PSMD4: variants seen among roughly 807,000 people sequenced by gnomAD.
PSMD4 encodes the protein proteasome 26S subunit ubiquitin receptor, non-ATPase 4, also known as 26S proteasome non-ATPase regulatory subunit 4.
In PSMD4, 5 loss-of-function variants were observed where a neutral mutation model predicts 39.7. That is an observed-to-expected ratio of 0.13 (90% CI 0.07 to 0.26). The LOEUF (loss-of-function observed/expected upper bound fraction) is 0.26. Ranked by LOEUF, PSMD4 falls within the 10% of genes least tolerant of loss-of-function variation. The pLI is 1.00. For missense variants in PSMD4, 272 were observed against 486.1 expected, an observed-to-expected ratio of 0.56 and a Z score of 4.14; for synonymous variants, 143 against 174.6, an observed-to-expected ratio of 0.82 and a Z score of 1.43.
chr1:151,265,109 C>G (rs964345956), intron 4 of PSMD4, 57 bp from the exon 5 acceptor site: 28 of 1,409,540 alleles, frequency 2.0e-5, no homozygotes, highest in Non-Finnish European at 2.5e-5. Flanking sequence ...TGCGGCGGGT[C>G]CTTTCCCCCC....
intron 3 of PSMD4, among the ~76,000 whole-genome samples, chr1:151,264,410 C>A (rs753123721): frequency 1.3e-5 from 2 of 151,152 alleles, no homozygotes; most frequent in African/African-American, 4.9e-5. Flanking sequence ...GAGGCTAACA[C>A]GGGCAGATCA....
intron 1 of PSMD4, among the ~76,000 whole-genome samples, chr1:151,260,546 T>G (rs1181581243): frequency 2.0e-5 from 3 of 152,166 alleles, no homozygotes; most frequent in Non-Finnish European, 4.4e-5. Flanking sequence ...CTGCACTCAG[T>G]GCTGCCAAGT....
At chr1:151,263,777 C>G (rs1329131142) in intron 2 of PSMD4, 137 bp from the exon 3 acceptor site, 2 of 530,662 alleles carry the variant, frequency 3.8e-6, no homozygotes, top group East Asian at 7.4e-5. Flanking sequence ...CTTGCAGTGA[C>G]CCGAGATCAC....
At position 151,264,038 on chromosome 1, in the gene PSMD4, A is replaced by C. The variant is rs751954907; in HGVS notation, c.282+10A>C. ...CATCCGCGTGGCCCATGTGAGTCCTACTGGGTTCCCTGGACCTTTCCTCCC... is the reference window on the plus strand; with the variant it reads ...CATCCGCGTGGCCCATGTGAGTCCTCCTGGGTTCCCTGGACCTTTCCTCCC... On this transcript the variant is annotated intron_variant, in intron 3 of 9. Transcript: ENST00000368884. The C allele has an allele frequency of 1.3e-6, 2 of 1,557,678 alleles. No homozygotes were observed. The highest frequency in any genetic ancestry group is 1.8e-6 in the Non-Finnish European group (2 of 1,142,756).
chr1:151,257,715 C>CTTTT lies in PSMD4; in HGVS notation c.26+2926_26+2929dup, dbSNP rs71090149. Reference sequence around the variant, plus strand: ...GGCACCCGCCACCATACCTGGCTTTCTTTTTTTTTTTTTTTTTTTTTTGTA... The same window carrying CTTTT: ...GGCACCCGCCACCATACCTGGCTTTCTTTTTTTTTTTTTTTTTTTTTTTTTTGTA... On this transcript the variant is annotated intron_variant, in intron 1 of 9. Coordinates refer to ENST00000368884, the MANE Select transcript of PSMD4 (RefSeq NM_002810.4). Among the ~76,000 whole-genome samples the CTTTT allele has an allele frequency of 5.7e-3, 503 of 88,692 alleles. 17 individuals are homozygous for CTTTT. The highest frequency in any genetic ancestry group is 0.014 in the African/African-American group (293 of 21,356). 58.2% of individuals were successfully genotyped at this position (88,692 alleles called of 152,430 possible). A position where few individuals can be genotyped will look rare whatever the true frequency, so the allele number is the denominator to read the frequency against.
In PSMD4 at chr1:151,254,815, A is replaced by C. The variant is rs1286431422; in HGVS notation, c.26+7A>C. On this transcript the variant is annotated splice_region_variant and intron_variant, in intron 1 of 9. Coordinates refer to ENST00000368884, the MANE Select transcript of PSMD4 (RefSeq NM_002810.4). ...TGGAAAGCACTATGGTGTGGTGAGG[A>C]GCTACTTCGGGGCAGGAGGGGCAGA... 1.3e-6 allele frequency: 2 copies of C among 1,521,090 alleles called. No individual in the cohort carries two copies. Among genetic ancestry groups the C allele is most frequent in the Non-Finnish European group, 1.8e-6 (2 of 1,141,168 alleles). The allele number at this position is 1,521,090 out of a possible 1,614,324, so 94.2% of individuals were successfully genotyped here.
intron 6 of PSMD4, 107 bp downstream of exon 6, chr1:151,265,716 A>C: frequency 8.1e-7 from 1 of 1,239,790 alleles, no homozygotes; most frequent in Non-Finnish European, 1.1e-6. Flanking sequence ...GACACTACCA[A>C]TCACTCATTT....
At chr1:151,258,084 C>G (rs1044582412) in intron 1 of PSMD4, among the ~76,000 whole-genome samples, 1 of 149,094 alleles carries the variant, frequency 6.7e-6, no homozygotes, top group East Asian at 2.0e-4. Context: ...AGTGCAGTGG[C>G]GCCATCTCGG....
intron 1 of PSMD4, among the ~76,000 whole-genome samples, 190 bp downstream of exon 1, chr1:151,254,998 C>G (rs1306951109): frequency 6.6e-6 from 1 of 152,208 alleles, no homozygotes; most frequent in Admixed American, 6.5e-5. Context: ...CCCGGGTTAC[C>G]ACTGTTACCC....
At chr1:151,261,474 T>C (rs1334760745) in intron 1 of PSMD4, among the ~76,000 whole-genome samples, 3 of 152,114 alleles carry the variant, frequency 2.0e-5, no homozygotes, top group Admixed American at 2.0e-4. Flanking sequence ...CGCGCCCAGC[T>C]ATAGATATTT....
chr1:151,261,168 TTTTTTC>T (rs1693308748), intron 1 of PSMD4, among the ~76,000 whole-genome samples: 1 of 150,478 alleles, frequency 6.6e-6, no homozygotes, highest in African/African-American at 2.4e-5. Context: ...TATAGATTTT[TTTTTTC>T]TTTTTCTTTT....
chr1:151,256,577 T>C (rs1410455832), intron 1 of PSMD4, among the ~76,000 whole-genome samples: 1 of 150,026 alleles, frequency 6.7e-6, no homozygotes, highest in Non-Finnish European at 1.5e-5. Context: ...TAACTGGGAT[T>C]ACAGGTGCCC....
At chr1:151,256,038 T>C (rs1693156255) in intron 1 of PSMD4, among the ~76,000 whole-genome samples, 1 of 148,710 alleles carries the variant, frequency 6.7e-6, no homozygotes, top group Non-Finnish European at 1.5e-5. Context: ...GTTGGCTGTA[T>C]GTATATCGTC....
intron 2 of PSMD4, chr1:151,263,692 G>C (rs188493053): frequency 3.3e-6 from 1 of 302,058 alleles, no homozygotes; most frequent in Non-Finnish European, 6.3e-6. Flanking sequence ...TTAGCCAGGC[G>C]TGGTAGTGGG....
chr1:151,259,930 G>A (rs1258331648), intron 1 of PSMD4, among the ~76,000 whole-genome samples: 1 of 152,068 alleles, frequency 6.6e-6, no homozygotes, highest in Non-Finnish European at 1.5e-5. Context: ...CAAGTGTGGT[G>A]GCTCATGCCT....
chr1:151,261,716 G>A (rs1422812791), intron 1 of PSMD4, among the ~76,000 whole-genome samples: 2 of 152,086 alleles, frequency 1.3e-5, no homozygotes, highest in African/African-American at 4.8e-5. Context: ...CACTTGGGGA[G>A]GTGGAGGCAG....
chr1:151,266,995 T>A (rs1272588302), intron 9 of PSMD4, 178 bp from the exon 10 acceptor site: 1 of 787,808 alleles, frequency 1.3e-6, no homozygotes, highest in Non-Finnish European at 2.3e-6. Flanking sequence ...AATAACTGCA[T>A]TCATGCTGTA....
chr1:151,257,257 G>A (rs587722155), intron 1 of PSMD4, among the ~76,000 whole-genome samples: 61 of 152,208 alleles, frequency 4.0e-4, no homozygotes, highest in Admixed American at 1.6e-3. Context: ...ATAGGTGTGC[G>A]GCTTTATTTC....
Position 151,263,618 on chromosome 1 carries a change from G to C in PSMD4, c.168-296G>C, listed in dbSNP as rs147108193. 2.9e-3 allele frequency among the ~76,000 whole-genome samples: 442 copies of C among 152,078 alleles called. 4 individuals carry two copies. The highest frequency in any genetic ancestry group is 0.01 in the African/African-American group (420 of 41,468). On this transcript the variant is annotated intron_variant, in intron 2 of 9. Transcript: ENST00000368884. ...CCAAGGTGGGCGGATTACGAGGTCAGGAGATCGAGACCATCCTGGCTAACA... is the reference window on the plus strand; with the variant it reads ...CCAAGGTGGGCGGATTACGAGGTCACGAGATCGAGACCATCCTGGCTAACA...
Sources: gnomAD v4.1 joint callset for allele counts (sites outside exome capture counted in the v4.1 genomes callset) on GRCh38, gnomAD v4.1.1 for gene constraint, MANE v1.5 for transcripts, NCBI Gene and HGNC (gene_info 2026-07-23, HGNC 2026-07-21) for gene names.